Variants in GRAMD1C observed in about 807,000 individuals in gnomAD.
GRAMD1C encodes protein Aster-C.
Under a neutral mutation model 97.8 loss-of-function variants are expected in GRAMD1C, and 89 were observed. The observed-to-expected ratio is 0.91, with a 90% confidence interval of 0.77 to 1.09. GRAMD1C has a LOEUF of 1.09. Ranked by LOEUF, GRAMD1C falls within the 50% of genes least tolerant of loss-of-function variation. The pLI is 0.00. For synonymous variants in GRAMD1C, 256 were observed against 267.0 expected (o/e 0.96, Z 0.40); for missense variants, 740 against 766.4 (o/e 0.97, Z 0.41).
At chr3:113,887,708 C>CA (rs1156243184) in intron 6 of GRAMD1C, among the ~76,000 whole-genome samples, 9,393 of 46,734 alleles carry the variant, frequency 0.2, 817 homozygotes, top group East Asian at 0.35. Context: ...ACTCCGTCTC[C>CA]AAAAAAAAAA....
At chr3:113,875,638 T>C (rs765616062) in intron 4 of GRAMD1C, 51 bp downstream of exon 4, 1 of 808,838 alleles carries the variant, frequency 1.2e-6, no homozygotes, top group South Asian at 1.4e-5. Context: ...CATAGAGATA[T>C]ATACAGTTCT....
At chr3:113,918,619 C>T (rs575082984) in intron 10 of GRAMD1C, among the ~76,000 whole-genome samples, 1 of 152,328 alleles carries the variant, frequency 6.6e-6, no homozygotes, top group South Asian at 2.1e-4. Context: ...AGAAGCTTTA[C>T]TACAAAAGAG....
chr3:113,872,391 C>CTTTTTTTTTTTTTTTT (rs777339692), intron 3 of GRAMD1C, among the ~76,000 whole-genome samples: 13 of 117,436 alleles, frequency 1.1e-4, no homozygotes, highest in Non-Finnish European at 1.5e-4. Flanking sequence ...TCTTTTTTTT[C>CTTTTTTTTTTTTTTTT]TTTTTTTTTT....
chr3:113,920,868 A>G (rs910661472), intron 10 of GRAMD1C, among the ~76,000 whole-genome samples: 2 of 152,118 alleles, frequency 1.3e-5, no homozygotes. Flanking sequence ...TTAAATCTAT[A>G]TTCTTTTAAA....
intron 5 of GRAMD1C, among the ~76,000 whole-genome samples, chr3:113,878,056 A>C (rs565305079): frequency 1.3e-5 from 2 of 152,302 alleles, no homozygotes; most frequent in African/African-American, 4.8e-5. Context: ...CTGGGATTAC[A>C]AGTGTGAGCC....
rs571112808 is a variant in GRAMD1C, at chr3:113,926,076, C to T, written c.1091-4638C>T. ...TATCTCATAGGGGTTCTCTGCATTT[C>T]CTGCATTTGAATGTTGGCCTCTCTA... On this transcript the variant is annotated intron_variant, in intron 10 of 17. Transcript: ENST00000358160. Among the ~76,000 whole-genome samples the T allele has an allele frequency of 7.1e-4, 108 of 152,222 alleles. 1 individual carries two copies. Among genetic ancestry groups the T allele is most frequent in the African/African-American group, 2.6e-3 (106 of 41,546 alleles).
chr3:113,915,742 A>C lies in GRAMD1C; in HGVS notation c.994A>C (p.Asn332His), dbSNP rs1274799107. Residue 332 changes from asparagine (N) to histidine (H), a missense_variant, in exon 10 of 18, where the codon AAC becomes CAC. Physicochemically the swap from Asn to His is moderately conservative, Grantham distance 68 (BLOSUM62 1). Coordinates refer to ENST00000358160, the MANE Select transcript of GRAMD1C (RefSeq NM_017577.5). Reference protein sequence around the residue: ...EKDLHGRLFINRIFHISADRM... With the variant: ...EKDLHGRLFIHRIFHISADRM... ...AGATCTTCATGGAAGACTTTTTATC[A>C]ACCGTATTTTTCATATCAGTGCTGA... 6.2e-7 allele frequency: 1 copy of C among 1,610,344 alleles called. No homozygotes were observed. Among genetic ancestry groups the C allele is most frequent in the Non-Finnish European group, 8.5e-7 (1 of 1,177,068 alleles).
At chr3:113,884,283 A>G (rs1238017190) in intron 6 of GRAMD1C, among the ~76,000 whole-genome samples, 2 of 152,230 alleles carry the variant, frequency 1.3e-5, no homozygotes, top group Admixed American at 1.3e-4. Context: ...ATGGCATGAA[A>G]TTAGAAATAA....
chr3:113,863,671 A>AC (rs1268343676), intron 2 of GRAMD1C, among the ~76,000 whole-genome samples: 1 of 152,094 alleles, frequency 6.6e-6, no homozygotes, highest in African/African-American at 2.4e-5. Flanking sequence ...TTGGTATGGA[A>AC]CTCGGGCCTC....
intron 13 of GRAMD1C, among the ~76,000 whole-genome samples, chr3:113,935,544 G>GTA (rs752724086): frequency 2.9e-4 from 44 of 150,880 alleles, no homozygotes; most frequent in South Asian, 2.1e-3. Context: ...ATACGTGTGT[G>GTA]TATATATATA....
In GRAMD1C at chr3:113,866,540, G is replaced by A. The variant is rs932981241; in HGVS notation, c.175-2967G>A. Among the ~76,000 whole-genome samples, 3 of 151,876 alleles carry A rather than the reference G, an allele frequency of 2.0e-5. No homozygotes were observed. In the South Asian group the frequency reaches 6.2e-4, roughly 32 times the overall value. On this transcript the variant is annotated intron_variant, in intron 2 of 17. Coordinates refer to ENST00000358160, the MANE Select transcript of GRAMD1C (RefSeq NM_017577.5). Reference sequence around the variant, plus strand: ...TTACATTTAATGTAGTTATAATATGGTTAGATTTACAAATAACCATTTTGC... The same window carrying A: ...TTACATTTAATGTAGTTATAATATGATTAGATTTACAAATAACCATTTTGC...
At chr3:113,902,501 T>C (rs1224362294) in intron 7 of GRAMD1C, among the ~76,000 whole-genome samples, 1 of 152,186 alleles carries the variant, frequency 6.6e-6, no homozygotes, top group African/African-American at 2.4e-5. Context: ...TTTTCATTTT[T>C]TTGATTCTCA....
intron 17 of GRAMD1C, among the ~76,000 whole-genome samples, chr3:113,944,621 T>G (rs1937979969): frequency 6.6e-6 from 1 of 152,236 alleles, no homozygotes; most frequent in East Asian, 1.9e-4. Context: ...GTCAAAAACT[T>G]AATAAAATAT....
At chr3:113,833,979 A>G (rs1371695055), upstream of GRAMD1C, among the ~76,000 whole-genome samples, 2 of 152,150 alleles carry the variant, frequency 1.3e-5, no homozygotes, top group African/African-American at 4.8e-5. Context: ...TTTGTCATTT[A>G]TTTAACCAGT....
intron 10 of GRAMD1C, among the ~76,000 whole-genome samples, chr3:113,918,608 C>T (rs1361073010): frequency 6.6e-6 from 1 of 152,206 alleles, no homozygotes; most frequent in Non-Finnish European, 1.5e-5. Flanking sequence ...TAGAATTAGT[C>T]AGAAGCTTTA....
At chr3:113,832,462 A>G (rs559787009) in intron 1 of GRAMD1C, among the ~76,000 whole-genome samples, 1 of 152,316 alleles carries the variant, frequency 6.6e-6, no homozygotes, top group Non-Finnish European at 1.5e-5. Context: ...TATACACAAG[A>G]TAAAATTAAC....
intron 3 of GRAMD1C, among the ~76,000 whole-genome samples, chr3:113,872,685 G>T (rs1330315291): frequency 6.6e-6 from 1 of 150,720 alleles, no homozygotes; most frequent in Admixed American, 6.6e-5. Flanking sequence ...CTGAGCCACT[G>T]CACCCAGCCA....
At chr3:113,941,475 C>T (rs973936777) in intron 17 of GRAMD1C, among the ~76,000 whole-genome samples, 1 of 152,046 alleles carries the variant, frequency 6.6e-6, no homozygotes, top group Non-Finnish European at 1.5e-5. Context: ...CTTTCCATCT[C>T]TTAGTCTTTT....
At chr3:113,935,149 T>C (rs1056625988) in intron 13 of GRAMD1C, among the ~76,000 whole-genome samples, 3 of 152,260 alleles carry the variant, frequency 2.0e-5, no homozygotes, top group African/African-American at 7.2e-5. Context: ...GTTAAAATTA[T>C]TATTTTTCAT....
Sources: gnomAD v4.1 joint callset for allele counts (sites outside exome capture counted in the v4.1 genomes callset) on GRCh38, gnomAD v4.1.1 for gene constraint, MANE v1.5 for transcripts, NCBI Gene and HGNC (gene_info 2026-07-23, HGNC 2026-07-21) for gene names.